The following SCRT2 variants were observed in gnomAD, a reference collection of about 807,000 sequenced individuals.
SCRT2 encodes the protein transcriptional repressor scratch 2.
Under a neutral mutation model 3.7 loss-of-function variants are expected in SCRT2, and 2 were observed. That is an observed-to-expected ratio of 0.54 (90% CI 0.22 to 1.70). SCRT2 has a LOEUF of 1.70. SCRT2 is among the 40% of genes most tolerant of loss of function. The pLI, the probability that SCRT2 is intolerant of heterozygous loss-of-function variation, is 0.19. For synonymous variants in SCRT2, 256 were observed against 220.6 expected (o/e 1.16, Z -1.42); for missense variants, 456 against 468.5 (o/e 0.97, Z 0.25).
In SCRT2 at chr20:663,700, G is replaced by A. The variant is rs778136855; in HGVS notation, c.895C>T (p.Pro299Ser). The change falls in exon 2 of 2, where the codon CCG (proline) becomes TCG (serine). Residue 299 changes from proline to serine, a missense_variant. By Grantham distance (74) the Pro-to-Ser change is moderately conservative. This residue lies in a region of SCRT2 where 144 missense variants were observed against 141.9 expected (regional missense o/e 1.01). Transcript: ENST00000246104. The surrounding 1 kb of genome is among the most constrained non-coding windows in gnomAD (Gnocchi z 6.9). ...AACAKAAEPPPPTPAGPAS is the reference protein window; with the variant it reads ...AACAKAAEPPSPTPAGPAS ...CTGGCCGGGCCGGCGGGGGTCGGCG[G>A]GGGTGGCTCGGCCGCCTTGGCGCAG... 2 of 1,517,626 alleles carry A rather than the reference G, an allele frequency of 1.3e-6. No individual in the cohort carries two copies. The highest frequency in any genetic ancestry group is 2.4e-5 in the South Asian group (2 of 82,572). 94.0% of individuals were successfully genotyped at this position (1,517,626 alleles called of 1,614,324 possible).
rs1984133548 is a variant in SCRT2 at position 665,687 on chromosome 20, A to C, written c.134-1226T>G. Among the ~76,000 whole-genome samples, 1 of 152,202 alleles carries C rather than the reference A, an allele frequency of 6.6e-6. No individual in the cohort carries two copies. The highest frequency in any genetic ancestry group is 6.5e-5 in the Admixed American group (1 of 15,284). On this transcript the variant is annotated intron_variant, in intron 1 of 1. Transcript: ENST00000246104. This position sits in a 1 kb window ranked among gnomAD's most constrained non-coding sequence, Gnocchi z 5.0. ...CTGGGCTCCCTGGAGAGTTTCTGGC[A>C]GACAAACTTTTCATCCTGGCACTTG...
rs983365171 is a variant in SCRT2 at position 665,241 on chromosome 20, G to A, written c.134-780C>T. 7.9e-5 allele frequency among the ~76,000 whole-genome samples: 12 copies of A among 152,350 alleles called. No individual in the cohort carries two copies. In the East Asian group the frequency reaches 9.6e-4, roughly 12 times the overall value. On this transcript the variant is annotated intron_variant, in intron 1 of 1. Coordinates refer to ENST00000246104, the MANE Select transcript of SCRT2 (RefSeq NM_033129.4). This position sits in a 1 kb window ranked among gnomAD's most constrained non-coding sequence, Gnocchi z 5.0. The stretch of plus-strand genomic sequence containing the variant: ...CCCACCACACTGTGAGCTCCCCATG[G>A]TTGGATCTGTGTGCCCAGCACATGC...
intron 1 of SCRT2, among the ~76,000 whole-genome samples, chr20:671,620 G>A (rs573481088): frequency 5.9e-5 from 9 of 152,326 alleles, no homozygotes; most frequent in East Asian, 1.9e-4. Context: ...GGCCTGGAGC[G>A]ACTACCCGGC....
intron 1 of SCRT2, among the ~76,000 whole-genome samples, chr20:671,838 C>T (rs1001091309): frequency 3.3e-5 from 5 of 151,868 alleles, no homozygotes; most frequent in African/African-American, 9.7e-5. Context: ...CAGGACAGGG[C>T]GGGGATGCAG....
rs1438813928 is a variant in SCRT2 at position 663,038 on chromosome 20, TAAG to T, written c.*630_*632del. On this transcript the variant is annotated 3_prime_UTR_variant, in exon 2 of 2. Coordinates refer to ENST00000246104, the MANE Select transcript of SCRT2 (RefSeq NM_033129.4). The surrounding 1 kb of genome is among the most constrained non-coding windows in gnomAD (Gnocchi z 6.9). ...GTGTGTGTGTGTGAATGGCCAGACC[TAAG>T]GCCTGAGCATGGATGGGATCAGGGA... The T allele has an allele frequency of 6.6e-6, 1 of 152,566 alleles. No homozygotes were observed. The highest frequency in any genetic ancestry group is 1.9e-4 in the East Asian group (1 of 5,190). 9.5% of individuals were successfully genotyped at this position (152,566 alleles called of 1,614,324 possible). A position where few individuals can be genotyped will look rare whatever the true frequency, so the allele number is the denominator to read the frequency against.
Position 663,505 on chromosome 20 carries a change from G to A in SCRT2, c.*166C>T. On this transcript the variant is annotated 3_prime_UTR_variant, in exon 2 of 2. Coordinates refer to ENST00000246104, the MANE Select transcript of SCRT2 (RefSeq NM_033129.4). This position sits in a 1 kb window ranked among gnomAD's most constrained non-coding sequence, Gnocchi z 6.9. ...GGAAGACGGTGTGGAAGTGAGTCGTGGGTTTGGGGGTTGGGGAGAAAAGTT... is the reference window on the plus strand; with the variant it reads ...GGAAGACGGTGTGGAAGTGAGTCGTAGGTTTGGGGGTTGGGGAGAAAAGTT... The A allele has an allele frequency of 1.9e-6, 1 of 534,718 alleles. No homozygotes were observed. Among genetic ancestry groups the A allele is most frequent in the Non-Finnish European group, 2.9e-6 (1 of 348,500 alleles). 33.1% of individuals were successfully genotyped at this position (534,718 alleles called of 1,614,324 possible). A position where few individuals can be genotyped will look rare whatever the true frequency, so the allele number is the denominator to read the frequency against.
Position 664,088 on chromosome 20 carries a change from G to T in SCRT2, c.507C>A (p.Asn169Lys). The change falls in exon 2 of 2, where the codon AAC becomes AAA. Residue 169 changes from asparagine to lysine, a missense_variant. Transcript: ENST00000246104. This position sits in a 1 kb window ranked among gnomAD's most constrained non-coding sequence, Gnocchi z 7.9. Reference sequence around the variant, plus strand: ...GGTGCGTCTGCTTGTGGCGGCTCAGGTTCGACGACGTGGCGTAGGTCTTGC... The same window carrying T: ...GGTGCGTCTGCTTGTGGCGGCTCAGTTTCGACGACGTGGCGTAGGTCTTGC... ...ECGKTYATSS[N>K]LSRHKQTHRS... 1 of 1,609,468 alleles carries T rather than the reference G, an allele frequency of 6.2e-7. No homozygotes were observed. The highest frequency in any genetic ancestry group is 8.5e-7 in the Non-Finnish European group (1 of 1,179,202).
At position 664,950 on chromosome 20, in the gene SCRT2, T is replaced by C. The variant is rs896239248; in HGVS notation, c.134-489A>G. Among the ~76,000 whole-genome samples, 3 of 152,178 alleles carry C rather than the reference T, an allele frequency of 2.0e-5. No homozygotes were observed. Among genetic ancestry groups the C allele is most frequent in the African/African-American group, 4.8e-5 (2 of 41,444 alleles). ...CTCATCTGCAAAATGGAGCTTGTGA[T>C]TGGACACCTCCTTCCAGGGTCGTTG... On this transcript the variant is annotated intron_variant, in intron 1 of 1. Transcript: ENST00000246104. This position sits in a 1 kb window ranked among gnomAD's most constrained non-coding sequence, Gnocchi z 7.9.
At chr20:673,283 C>A (rs1490049812) in intron 1 of SCRT2, among the ~76,000 whole-genome samples, 2 of 152,250 alleles carry the variant, frequency 1.3e-5, no homozygotes, top group Admixed American at 6.5e-5. Flanking sequence ...TCCTGTTAGA[C>A]CCCTGTGCAG....
rs1984089286 is a variant in SCRT2, at chr20:664,461, C to T, written c.134G>A (p.Gly45Glu). The T allele has an allele frequency of 8.0e-7, 1 of 1,257,124 alleles. No homozygotes were observed. Among genetic ancestry groups the T allele is most frequent in the African/African-American group, 1.5e-5 (1 of 64,886 alleles). The allele number at this position is 1,257,124 out of a possible 1,614,324, so 77.9% of individuals were successfully genotyped here. Reference sequence around the variant, plus strand: ...CGGGGGCAGGCGGTGCGGGGCGTACCCTGGAGGGGGCGAGAAGTGGAGGGG... The same window carrying T: ...CGGGGGCAGGCGGTGCGGGGCGTACTCTGGAGGGGGCGAGAAGTGGAGGGG... The part of the protein sequence containing the change: ...PGARGPPGDN[G>E]YAPHRLPPSS... The change falls in exon 2 of 2, where the codon GGG (glycine) becomes GAG (glutamate). Residue 45 changes from glycine to glutamate, a missense_variant and splice_region_variant. By Grantham distance (98) the Gly-to-Glu change is moderately conservative. This residue lies in a region of SCRT2 where 306 missense variants were observed against 305.3 expected (regional missense o/e 1.00). Transcript: ENST00000246104. This position sits in a 1 kb window ranked among gnomAD's most constrained non-coding sequence, Gnocchi z 7.9.
chr20:669,569 C>T (rs1369122566), intron 1 of SCRT2, among the ~76,000 whole-genome samples: 1 of 152,214 alleles, frequency 6.6e-6, no homozygotes, highest in Non-Finnish European at 1.5e-5. Flanking sequence ...GGCCAGCTTC[C>T]CCGGCGGCCC....
chr20:672,610 A>G (rs1454474501), intron 1 of SCRT2, among the ~76,000 whole-genome samples: 2 of 126,922 alleles, frequency 1.6e-5, no homozygotes, highest in Non-Finnish European at 1.8e-5. Flanking sequence ...CCCCCGACCC[A>G]GGTTTCCCTC....
Position 664,539 on chromosome 20 carries a change from G to T in SCRT2, c.134-78C>A. On this transcript the variant is annotated intron_variant, in intron 1 of 1. Coordinates refer to ENST00000246104, the MANE Select transcript of SCRT2 (RefSeq NM_033129.4). The surrounding 1 kb of genome is among the most constrained non-coding windows in gnomAD (Gnocchi z 7.9). ...TCCCGCTTTGAGCGCGTCACCCTTT[G>T]CGCCTTCCAGCTTGGCGCCCCTGTG... is the stretch of plus-strand genomic sequence containing the variant. The T allele has an allele frequency of 9.4e-7, 1 of 1,069,300 alleles. No homozygotes were observed. The highest frequency in any genetic ancestry group is 1.2e-6 in the Non-Finnish European group (1 of 838,278). The allele number at this position is 1,069,300 out of a possible 1,614,324, so 66.2% of individuals were successfully genotyped here.
In SCRT2 at chr20:664,422, G is replaced by T. The variant is rs747412192; in HGVS notation, c.173C>A (p.Ala58Glu). 41 of 1,325,990 alleles carry T rather than the reference G, an allele frequency of 3.1e-5. No individual in the cohort carries two copies. Among genetic ancestry groups the T allele is most frequent in the Middle Eastern group, 2.3e-4 (1 of 4,442 alleles). 82.1% of individuals were successfully genotyped at this position (1,325,990 alleles called of 1,614,324 possible). Residue 58 changes from alanine to glutamate, a missense_variant, in exon 2 of 2, where the codon GCG (alanine) becomes GAG (glutamate). Around this residue, in one of 3 missense-constraint regions of SCRT2, gnomAD observed 306 missense variants for 305.3 expected, o/e 1.00. Coordinates refer to ENST00000246104, the MANE Select transcript of SCRT2 (RefSeq NM_033129.4). The surrounding 1 kb of genome is among the most constrained non-coding windows in gnomAD (Gnocchi z 7.9). ...PHRLPPSSYD[A>E]DQKPGLELAP... ...CAGCTCCAGGCCCGGCTTCTGGTCC[G>T]CATCGTAGCTGCTCGGGGGCAGGCG...
chr20:672,389 G>C (rs570388917), intron 1 of SCRT2, among the ~76,000 whole-genome samples: 83 of 5,698 alleles, frequency 0.015, no homozygotes, highest in African/African-American at 0.059. Context: ...AGCATTGCTC[G>C]TGTGTGTGTG....
Position 663,551 on chromosome 20 carries a change from C to A in SCRT2, c.*120G>T. 1.0e-6 allele frequency: 1 copy of A among 985,540 alleles called. No individual in the cohort carries two copies. The highest frequency in any genetic ancestry group is 3.5e-5 in the South Asian group (1 of 28,528). The allele number at this position is 985,540 out of a possible 1,614,324, so 61.0% of individuals were successfully genotyped here. On this transcript the variant is annotated 3_prime_UTR_variant, in exon 2 of 2. Transcript: ENST00000246104. This position sits in a 1 kb window ranked among gnomAD's most constrained non-coding sequence, Gnocchi z 6.9. ...AAGTTCCGGGCCGGGCCGGGGGTCC[C>A]CACGAGAGGGTCATGGGCAGGGAAA... is the stretch of plus-strand genomic sequence containing the variant.
At position 664,127 on chromosome 20, in the gene SCRT2, C is replaced by T. The variant is rs756987331; in HGVS notation, c.468G>A (p.Ala156=). The T allele has an allele frequency of 3.3e-6, 5 of 1,510,634 alleles. No homozygotes were observed. The highest frequency in any genetic ancestry group is 2.0e-5 in the Admixed American group (1 of 50,870). The allele number at this position is 1,510,634 out of a possible 1,614,324, so 93.6% of individuals were successfully genotyped here. A position where few individuals can be genotyped will look rare whatever the true frequency, so the allele number is the denominator to read the frequency against. ...CGTAGGTCTTGCCGCACTCGGCGCA[C>T]GCGTGCCGGTGCCCGCCGCCCGCCT... The part of the protein sequence containing the change: ...GAQAGGGHRH[A]CAECGKTYAT... Residue 156 remains alanine, a synonymous_variant, in exon 2 of 2, where the codon GCG becomes GCA. Coordinates refer to ENST00000246104, the MANE Select transcript of SCRT2 (RefSeq NM_033129.4). The surrounding 1 kb of genome is among the most constrained non-coding windows in gnomAD (Gnocchi z 7.9).
Position 665,870 on chromosome 20 carries a change from T to G in SCRT2, c.134-1409A>C, listed in dbSNP as rs1430174228. On this transcript the variant is annotated intron_variant, in intron 1 of 1. Coordinates refer to ENST00000246104, the MANE Select transcript of SCRT2 (RefSeq NM_033129.4). This position sits in a 1 kb window ranked among gnomAD's most constrained non-coding sequence, Gnocchi z 5.0. ...TCCCTCCTCCCCTAGCCTCCTTCAC[T>G]GAAGTGAGCAGGTGGAGGAGGGTTT... 6.6e-6 allele frequency among the ~76,000 whole-genome samples: 1 copy of G among 152,154 alleles called. No homozygotes were observed. Among genetic ancestry groups the G allele is most frequent in the Non-Finnish European group, 1.5e-5 (1 of 68,032 alleles).
In SCRT2 at chr20:667,777, G is replaced by T. The variant is rs1984201534; in HGVS notation, c.134-3316C>A. 6.6e-6 allele frequency among the ~76,000 whole-genome samples: 1 copy of T among 152,234 alleles called. No homozygotes were observed. The highest frequency in any genetic ancestry group is 1.5e-5 in the Non-Finnish European group (1 of 68,040). The stretch of plus-strand genomic sequence containing the variant: ...ACCCAGTCAGTGGATTTTGGCATGG[G>T]TTGAGAGCATCCTGTGAGAGTTTGT... On this transcript the variant is annotated intron_variant, in intron 1 of 1. Transcript: ENST00000246104. The surrounding 1 kb of genome is among the most constrained non-coding windows in gnomAD (Gnocchi z 4.4).
Sources: allele counts gnomAD v4.1 joint callset (sites outside exome capture counted in the v4.1 genomes callset), GRCh38; gene constraint gnomAD v4.1.1; regional missense constraint gnomAD v4.1.1; non-coding constraint Gnocchi (gnomAD v3.1); transcripts MANE v1.5; gene names NCBI Gene and HGNC (gene_info 2026-07-23, HGNC 2026-07-21).